NPM1: variants seen among roughly 807,000 people sequenced by gnomAD.
NPM1 encodes the protein nucleophosmin.
Under a neutral mutation model 44.1 loss-of-function variants are expected in NPM1, and 1 was observed. The observed-to-expected ratio is 0.02, with a 90% CI of 0.01 to 0.11. NPM1 has a LOEUF of 0.11. Ranked by LOEUF, NPM1 falls within the 10% of genes least tolerant of loss-of-function variation. The pLI, the probability that NPM1 is intolerant of heterozygous loss-of-function variation, is 1.00. For missense variants in NPM1, 197 were observed against 347.8 expected (o/e 0.57, Z 3.45); for synonymous variants, 126 against 111.8 (o/e 1.13, Z -0.80).
In NPM1 at chr5:171,400,219, A is replaced by G; in HGVS notation, c.582+9A>G. ...AAGCGCCAGTGAAGAAAGTGAGTAG[A>G]TACAATGCTACAAGGTTGTTAAACT... On this transcript the variant is annotated intron_variant, in intron 7 of 10. Coordinates refer to ENST00000296930, the MANE Select transcript of NPM1 (RefSeq NM_002520.7). 1 of 1,613,742 alleles carries G rather than the reference A, an allele frequency of 6.2e-7. No homozygotes were observed. The highest frequency in any genetic ancestry group is 8.5e-7 in the Non-Finnish European group (1 of 1,179,916).
At chr5:171,394,124 C>T (rs1332564744) in intron 6 of NPM1, among the ~76,000 whole-genome samples, 7 of 149,680 alleles carry the variant, frequency 4.7e-5, no homozygotes, top group African/African-American at 1.5e-4. Flanking sequence ...TCACCACAAC[C>T]TCTGCCTCCT....
intron 8 of NPM1, among the ~76,000 whole-genome samples, chr5:171,401,736 TTTGTGATTGTGAAGTCAATAG>T (rs1284224370): frequency 5.9e-5 from 9 of 152,150 alleles, no homozygotes; most frequent in African/African-American, 2.2e-4. Flanking sequence ...GCCTGAATTT[TTTGTGATTGTGAAGTCAATAG>T]TTGTTTCCTG....
At chr5:171,399,893 C>T (rs530252088) in intron 6 of NPM1, among the ~76,000 whole-genome samples, 138 of 152,132 alleles carry the variant, frequency 9.1e-4, no homozygotes, top group Non-Finnish European at 1.6e-3. Flanking sequence ...TAGAATCATA[C>T]AGTGTTTGTT....
At chr5:171,403,561 C>T (rs1197042278) in intron 8 of NPM1, among the ~76,000 whole-genome samples, 2 of 112,256 alleles carry the variant, frequency 1.8e-5, no homozygotes, top group Admixed American at 8.7e-5. Flanking sequence ...CAGAGGGGCT[C>T]CTCACTTCCC....
chr5:171,390,478 A>G (rs765410858), intron 2 of NPM1, among the ~76,000 whole-genome samples: 2 of 152,212 alleles, frequency 1.3e-5, no homozygotes, highest in Non-Finnish European at 2.9e-5. Flanking sequence ...GGTGGTCTAT[A>G]TTGTGTGTAT....
At chr5:171,400,311 A>AGATCATCTCATACTGAGGGG in intron 7 of NPM1, 101 bp downstream of exon 7, 1 of 1,457,286 alleles carries the variant, frequency 6.9e-7, no homozygotes, top group Non-Finnish European at 9.5e-7. Flanking sequence ...CTGGTGTGGG[A>AGATCATCTCATACTGAGGGG]GATCATCTCA....
intron 8 of NPM1, among the ~76,000 whole-genome samples, chr5:171,403,762 G>A (rs1256236065): frequency 1.1e-4 from 15 of 134,528 alleles, no homozygotes; most frequent in Non-Finnish European, 2.1e-4. Context: ...CCTCCCGGAC[G>A]GGGCGGCTGG....
chr5:171,396,751 C>T (rs11959571), intron 6 of NPM1, among the ~76,000 whole-genome samples: 3,613 of 152,146 alleles, frequency 0.024, 122 homozygotes, highest in African/African-American at 0.082. Flanking sequence ...GTGGTCGATG[C>T]GGGCAGATCA....
intron 6 of NPM1, among the ~76,000 whole-genome samples, chr5:171,397,127 T>C (rs1044180533): frequency 6.6e-6 from 1 of 152,124 alleles, no homozygotes; most frequent in Non-Finnish European, 1.5e-5. Context: ...ATGAACTTTG[T>C]CTATAGGTTT....
chr5:171,405,182 T>C (rs1771496913), intron 8 of NPM1, 120 bp from the exon 9 acceptor site: 1 of 625,008 alleles, frequency 1.6e-6, no homozygotes, highest in South Asian at 2.0e-5. Context: ...TAATTCCAGT[T>C]GTATAATTAG....
intron 6 of NPM1, 91 bp from the exon 7 acceptor site, chr5:171,400,054 ACATGGGTG>A (rs1350501961): frequency 8.1e-6 from 6 of 736,330 alleles, no homozygotes; most frequent in Middle Eastern, 2.3e-4. Context: ...GCTTCGATAA[ACATGGGTG>A]CACAAATAAT....
At chr5:171,401,606 T>A (rs958816151) in intron 8 of NPM1, among the ~76,000 whole-genome samples, 2 of 152,014 alleles carry the variant, frequency 1.3e-5, no homozygotes, top group African/African-American at 4.8e-5. Flanking sequence ...CCAGCGTATT[T>A]TTGTATTTTT....
At chr5:171,393,394 T>C (rs1770697319) in intron 6 of NPM1, among the ~76,000 whole-genome samples, 1 of 152,252 alleles carries the variant, frequency 6.6e-6, no homozygotes, top group Non-Finnish European at 1.5e-5. Context: ...AGGTTTGTTA[T>C]TCCCTAAAAG....
At chr5:171,400,087 G>A in intron 6 of NPM1, 66 bp from the exon 7 acceptor site, 2 of 916,016 alleles carry the variant, frequency 2.2e-6, no homozygotes, top group Admixed American at 1.7e-5. Context: ...TCAAGGTCCT[G>A]CTTTCAATTC....
At chr5:171,400,963 A>C in intron 8 of NPM1, 38 bp downstream of exon 8, 5 of 1,364,970 alleles carry the variant, frequency 3.7e-6, no homozygotes, top group Non-Finnish European at 4.2e-6. Flanking sequence ...TCATTGATCT[A>C]GTTGGGGAAA....
intron 8 of NPM1, among the ~76,000 whole-genome samples, chr5:171,403,954 T>G (rs1332871878): frequency 8.4e-5 from 4 of 47,776 alleles, no homozygotes; most frequent in East Asian, 1.1e-3. Flanking sequence ...GCTGGCCGGG[T>G]GGGGGGGCTG....
At chr5:171,402,930 A>C (rs191509577) in intron 8 of NPM1, among the ~76,000 whole-genome samples, 3,292 of 142,098 alleles carry the variant, frequency 0.023, 80 homozygotes, top group Admixed American at 0.082. Flanking sequence ...TTTCTTCATA[A>C]ATTACCCAAT....
At chr5:171,402,971 T>TC (rs1561872960) in intron 8 of NPM1, among the ~76,000 whole-genome samples, 1 of 115,954 alleles carries the variant, frequency 8.6e-6, no homozygotes, top group African/African-American at 3.5e-5. Context: ...TTTTTTCATT[T>TC]TATTTATTTA....
chr5:171,398,758 G>A (rs555319172), intron 6 of NPM1, among the ~76,000 whole-genome samples: 7 of 152,300 alleles, frequency 4.6e-5, no homozygotes, highest in African/African-American at 1.2e-4. Flanking sequence ...GCGACAGAGC[G>A]AGACTCCGCC....
Sources: gnomAD v4.1 joint callset for allele counts (sites outside exome capture counted in the v4.1 genomes callset) on GRCh38, gnomAD v4.1.1 for gene constraint, MANE v1.5 for transcripts, NCBI Gene and HGNC (gene_info 2026-07-23, HGNC 2026-07-21) for gene names.